Variants in TRHDE observed in about 807,000 individuals in gnomAD.
The protein encoded by TRHDE is thyrotropin releasing hormone degrading enzyme.
TRHDE carries 72 observed loss-of-function variants against 125.7 expected under a neutral mutation model. The observed-to-expected ratio is 0.57, with a 90% CI of 0.47 to 0.70. The LOEUF is 0.70. Ranked by LOEUF, TRHDE falls within the 30% of genes least tolerant of loss-of-function variation. The pLI, the probability that TRHDE is intolerant of heterozygous loss-of-function variation, is 0.00. For synonymous variants in TRHDE, 509 were observed against 509.1 expected, an observed-to-expected ratio of 1.00 and a Z score of 0.00; for missense variants, 1,110 against 1,327.1, an observed-to-expected ratio of 0.84 and a Z score of 2.54.
intron 12 of TRHDE, among the ~76,000 whole-genome samples, chr12:72,580,582 C>A (rs1258863621): frequency 6.6e-6 from 1 of 152,186 alleles, no homozygotes; most frequent in African/African-American, 2.4e-5. Context: ...GCTGGGATTA[C>A]AGGCACCCAC....
chr12:72,372,989 C>T (rs948727477), intron 2 of TRHDE, among the ~76,000 whole-genome samples: 3 of 152,170 alleles, frequency 2.0e-5, no homozygotes, highest in Admixed American at 6.5e-5. Context: ...GCAGTATGGC[C>T]ATTTTCACGA....
intron 15 of TRHDE, among the ~76,000 whole-genome samples, chr12:72,635,187 T>C (rs368036318): frequency 6.6e-6 from 1 of 151,748 alleles, no homozygotes; most frequent in African/African-American, 2.4e-5. Flanking sequence ...TTTTAATGAT[T>C]GCCATTCTAA....
intron 12 of TRHDE, among the ~76,000 whole-genome samples, chr12:72,602,172 C>G (rs1370420067): frequency 6.6e-6 from 1 of 152,120 alleles, no homozygotes; most frequent in East Asian, 1.9e-4. Flanking sequence ...TTCTATTTCC[C>G]TGATTTCCCA....
rs1171423895 is a variant in TRHDE at position 72,117,855 on chromosome 12, G to GT, written n.279+12114dup. Among the ~76,000 whole-genome samples, 269 of 136,044 alleles carry GT rather than the reference G, an allele frequency of 2.0e-3. 1 individual carries two copies. Among genetic ancestry groups the GT allele is most frequent in the African/African-American group, 4.8e-3 (179 of 37,424 alleles). 89.3% of individuals were successfully genotyped at this position (136,044 alleles called of 152,430 possible). Reference sequence around the variant, plus strand: ...CTATTGTAAATGAAACTATTTCTTGGTTTTTTTTTTTCAGATTGTTCACTG... The same window carrying GT: ...CTATTGTAAATGAAACTATTTCTTGGTTTTTTTTTTTTCAGATTGTTCACTG... On this transcript the variant is annotated intron_variant and non_coding_transcript_variant, in intron 2 of 4. Transcript: ENST00000548156.
At chr12:72,250,317 G>A (rs1878652770) in intron 2 of TRHDE, among the ~76,000 whole-genome samples, 1 of 152,156 alleles carries the variant, frequency 6.6e-6, no homozygotes, top group Non-Finnish European at 1.5e-5. Context: ...GAAGTTTGGA[G>A]ATGAGAGAGG....
intron 2 of TRHDE, among the ~76,000 whole-genome samples, chr12:72,226,638 A>G (rs530445726): frequency 6.6e-6 from 1 of 152,332 alleles, no homozygotes; most frequent in East Asian, 1.9e-4. Context: ...ACCAAATAGT[A>G]GTTATTTGAC....
chr12:72,228,819 G>T (rs1037706353), intron 2 of TRHDE, among the ~76,000 whole-genome samples: 1 of 152,150 alleles, frequency 6.6e-6, no homozygotes, highest in Non-Finnish European at 1.5e-5. Context: ...CAAGTTCAAA[G>T]TTCCACAAAT....
intron 2 of TRHDE, among the ~76,000 whole-genome samples, chr12:72,326,935 T>C (rs1869367080): frequency 6.6e-6 from 1 of 152,354 alleles, no homozygotes; most frequent in East Asian, 1.9e-4. Flanking sequence ...CTGAGCTAGA[T>C]GATTATATAT....
chr12:72,581,188 TCTTA>T (rs1291956387), intron 12 of TRHDE, among the ~76,000 whole-genome samples: 11 of 152,170 alleles, frequency 7.2e-5, no homozygotes, highest in Admixed American at 3.9e-4. Context: ...AGGTGAAAAT[TCTTA>T]CTTAATTGTT....
Position 72,220,483 on chromosome 12 carries a change from T to C in TRHDE, n.279+114731T>C, listed in dbSNP as rs200882447. Among the ~76,000 whole-genome samples, 24 of 152,206 alleles carry C rather than the reference T, an allele frequency of 1.6e-4. No homozygotes were observed. The East Asian group carries it at 4.6e-3, about 29-fold the overall frequency. On this transcript the variant is annotated intron_variant and non_coding_transcript_variant, in intron 2 of 4. Coordinates refer to the TRHDE transcript ENST00000548156. ...GTTAGCCTGGCATTCCTGCATTCTT[T>C]AGGTTATTTTTTCAATTTCTTCTAT...
intron 2 of TRHDE, among the ~76,000 whole-genome samples, chr12:72,191,664 A>G (rs1262903620): frequency 6.6e-6 from 1 of 152,168 alleles, no homozygotes; most frequent in African/African-American, 2.4e-5. Context: ...TTGTCGTTGT[A>G]ATACTCAGAA....
chr12:72,282,200 G>A (rs527982418), intron 1 of TRHDE, among the ~76,000 whole-genome samples: 1 of 152,090 alleles, frequency 6.6e-6, no homozygotes, highest in South Asian at 2.1e-4. Context: ...ATTACCTTCT[G>A]CCTTTTGCTG....
intron 2 of TRHDE, among the ~76,000 whole-genome samples, chr12:72,243,509 A>G (rs1230791006): frequency 6.6e-6 from 1 of 152,180 alleles, no homozygotes; most frequent in Admixed American, 6.5e-5. Context: ...TTTGTTAATA[A>G]TTTTTATATT....
chr12:72,411,553 T>C (rs1382329604), intron 3 of TRHDE, among the ~76,000 whole-genome samples: 1 of 152,124 alleles, frequency 6.6e-6, no homozygotes, highest in African/African-American at 2.4e-5. Context: ...ATTTCAGTTC[T>C]ATCTCAGTTG....
intron 2 of TRHDE, among the ~76,000 whole-genome samples, chr12:72,116,986 T>C (rs1875459251): frequency 6.6e-6 from 1 of 152,116 alleles, no homozygotes. Flanking sequence ...AATATTCTGG[T>C]TATTAATCCC....
chr12:72,172,376 A>G (rs1033264902), intron 2 of TRHDE, among the ~76,000 whole-genome samples: 1 of 152,198 alleles, frequency 6.6e-6, no homozygotes, highest in African/African-American at 2.4e-5. Context: ...TGTCCAAGCA[A>G]GTCTATCAAG....
chr12:72,354,930 T>C (rs1870744983), intron 2 of TRHDE, among the ~76,000 whole-genome samples: 1 of 151,374 alleles, frequency 6.6e-6, no homozygotes, highest in Admixed American at 6.6e-5. Flanking sequence ...ATGTGATAAG[T>C]ACTATGAGAT....
chr12:72,663,138 G>A lies in TRHDE; in HGVS notation c.3153G>A (p.Trp1051Ter), dbSNP rs764896754. ...AAACTGTCGAAGCCAATGTGCGCTG[G>A]AAAATGCTTTACCAAGACGAGCTTT... The part of the protein sequence containing the change: ...AVETVEANVR[W>*]KMLYQDELFQ... The change falls in exon 19 of 19, where the codon TGG becomes TGA. Residue 1051 changes from tryptophan (W) to a stop codon, truncating the protein, a stop_gained. Transcript: ENST00000261180. LOFTEE classifies it high-confidence loss of function. 20 of 1,613,040 alleles carry A rather than the reference G, an allele frequency of 1.2e-5. No homozygotes were observed. The highest frequency in any genetic ancestry group is 1.6e-5 in the Non-Finnish European group (19 of 1,179,512).
At chr12:72,596,112 A>G (rs953566710) in intron 12 of TRHDE, among the ~76,000 whole-genome samples, 3 of 152,086 alleles carry the variant, frequency 2.0e-5, no homozygotes, top group Non-Finnish European at 4.4e-5. Flanking sequence ...TACGTAATAT[A>G]TTCTTTCCTA....
Sources: gnomAD v4.1 joint callset for allele counts (sites outside exome capture counted in the v4.1 genomes callset) on GRCh38, gnomAD v4.1.1 for gene constraint, MANE v1.5 for transcripts, NCBI Gene and HGNC (gene_info 2026-07-23, HGNC 2026-07-21) for gene names.